The following FHIT variants were observed in gnomAD, a reference collection of about 807,000 sequenced individuals.
FHIT encodes fragile histidine triad diadenosine triphosphatase.
A neutral mutation model predicts 17.9 loss-of-function variants in FHIT; 19 were observed. The observed-to-expected ratio is 1.06, with a 90% CI of 0.74 to 1.56. FHIT has a LOEUF of 1.56. Among genes scored for constraint, FHIT ranks in the 40% most tolerant of loss-of-function variants. The probability of loss-of-function intolerance (pLI) is 0.00; values close to 1 mark genes in which losing one functional copy is unlikely to be tolerated. For synonymous variants in FHIT, 81 were observed against 69.7 expected, an observed-to-expected ratio of 1.16 and a Z score of -0.81; for missense variants, 248 against 189.2, an observed-to-expected ratio of 1.31 and a Z score of -1.82.
intron 2 of FHIT, among the ~76,000 whole-genome samples, chr3:61,151,210 G>A (rs2107048833): frequency 6.6e-6 from 1 of 152,278 alleles, no homozygotes; most frequent in South Asian, 2.1e-4. Context: ...TTAAGAACTA[G>A]AGACCAAATG....
At chr3:60,333,862 A>T (rs985048610) in intron 5 of FHIT, among the ~76,000 whole-genome samples, 1 of 152,198 alleles carries the variant, frequency 6.6e-6, no homozygotes, top group Non-Finnish European at 1.5e-5. Context: ...GGACAATGAG[A>T]TGTCAGATCC....
chr3:60,487,214 C>G (rs2033880991), intron 5 of FHIT, among the ~76,000 whole-genome samples: 1 of 152,136 alleles, frequency 6.6e-6, no homozygotes, highest in African/African-American at 2.4e-5. Context: ...TCTACACTCC[C>G]ATTGCTGTCT....
chr3:60,685,975 A>G (rs1553698336), intron 4 of FHIT, among the ~76,000 whole-genome samples: 1 of 152,186 alleles, frequency 6.6e-6, no homozygotes, highest in Non-Finnish European at 1.5e-5. Flanking sequence ...ATCCCAAAGA[A>G]CAAAGCATTT....
intron 2 of FHIT, among the ~76,000 whole-genome samples, chr3:61,059,987 T>C (rs557722897): frequency 6.6e-6 from 1 of 152,158 alleles, no homozygotes; most frequent in South Asian, 2.1e-4. Context: ...TTAGTGAGTA[T>C]GAGTGTGTGT....
intron 9 of FHIT, chr3:59,751,698 C>A: frequency 4.3e-6 from 1 of 230,024 alleles, no homozygotes; most frequent in Admixed American, 5.7e-5. Context: ...TCCTAGGAGC[C>A]GAACATAAAG....
chr3:60,170,208 G>A (rs560891063), intron 5 of FHIT, among the ~76,000 whole-genome samples: 1 of 152,270 alleles, frequency 6.6e-6, no homozygotes, highest in South Asian at 2.1e-4. Context: ...TAAGATGGAT[G>A]GAGGTAATCA....
At chr3:60,988,926 T>TTC (rs2029903770) in intron 3 of FHIT, among the ~76,000 whole-genome samples, 2 of 128,904 alleles carry the variant, frequency 1.6e-5, no homozygotes, top group African/African-American at 2.9e-5. Context: ...TTTTTTTTTT[T>TTC]CAAATGGCCA....
chr3:60,474,944 T>G (rs2033271440), intron 5 of FHIT, among the ~76,000 whole-genome samples: 1 of 152,124 alleles, frequency 6.6e-6, no homozygotes, highest in Admixed American at 6.6e-5. Flanking sequence ...ATTCCAATTT[T>G]TAAATAGTAC....
intron 4 of FHIT, among the ~76,000 whole-genome samples, chr3:60,599,068 T>C (rs868947681): frequency 6.6e-6 from 1 of 152,180 alleles, no homozygotes; most frequent in Non-Finnish European, 1.5e-5. Context: ...GCTGTGGGCA[T>C]ACTAGCAAAA....
intron 5 of FHIT, among the ~76,000 whole-genome samples, chr3:60,369,940 G>A (rs1324910431): frequency 1.3e-5 from 2 of 152,098 alleles, no homozygotes; most frequent in Non-Finnish European, 2.9e-5. Flanking sequence ...TTAAGCCAAA[G>A]AGAAAAACAG....
At chr3:60,125,701 T>TAC (rs1402455973) in intron 5 of FHIT, among the ~76,000 whole-genome samples, 1 of 151,036 alleles carries the variant, frequency 6.6e-6, no homozygotes, top group Non-Finnish European at 1.5e-5. Context: ...TATATATATG[T>TAC]ACACACACAC....
chr3:60,204,444 G>GTTTTTTTTTTTTT (rs56126245), intron 5 of FHIT, among the ~76,000 whole-genome samples: 3 of 114,972 alleles, frequency 2.6e-5, no homozygotes, highest in African/African-American at 3.2e-5. Context: ...TAATATTCTG[G>GTTTTTTTTTTTTT]TTTTTTTTTT....
chr3:60,405,421 G>A (rs190456095), intron 5 of FHIT, among the ~76,000 whole-genome samples: 1 of 152,270 alleles, frequency 6.6e-6, no homozygotes, highest in Admixed American at 6.5e-5. Flanking sequence ...CTGGTAGGGG[G>A]ACCACCCGCA....
At chr3:60,110,761 T>C (rs1211788356) in intron 5 of FHIT, among the ~76,000 whole-genome samples, 2 of 152,228 alleles carry the variant, frequency 1.3e-5, no homozygotes, top group Admixed American at 6.5e-5. Flanking sequence ...GGTTGAGACC[T>C]GGTCATCATT....
intron 3 of FHIT, among the ~76,000 whole-genome samples, chr3:61,003,518 A>G (rs2031239989): frequency 6.6e-6 from 1 of 152,222 alleles, no homozygotes; most frequent in Admixed American, 6.5e-5. Context: ...CCATTTAGCT[A>G]CCACATTGTG....
At chr3:59,965,857 C>T (rs1170836456) in intron 7 of FHIT, among the ~76,000 whole-genome samples, 2 of 152,140 alleles carry the variant, frequency 1.3e-5, no homozygotes, top group Non-Finnish European at 2.9e-5. Flanking sequence ...CTTCTAATTT[C>T]CTCCTCTTGG....
chr3:61,224,904 C>T (rs548516261), intron 1 of FHIT, among the ~76,000 whole-genome samples: 1 of 152,278 alleles, frequency 6.6e-6, no homozygotes, highest in African/African-American at 2.4e-5. Context: ...GTAATAGCCA[C>T]ATGTTTGAGG....
intron 5 of FHIT, among the ~76,000 whole-genome samples, chr3:60,045,445 G>A (rs946856668): frequency 6.6e-6 from 1 of 152,094 alleles, no homozygotes; most frequent in Non-Finnish European, 1.5e-5. Context: ...CAGATCTTAT[G>A]AGACTCACCC....
chr3:59,883,685 T>C (rs747023314), intron 8 of FHIT, among the ~76,000 whole-genome samples: 18 of 152,368 alleles, frequency 1.2e-4, no homozygotes, highest in Non-Finnish European at 2.1e-4. Context: ...AGTAGTGTGC[T>C]ACCGCACGTC....
Sources: allele counts gnomAD v4.1 joint callset (sites outside exome capture counted in the v4.1 genomes callset), GRCh38; gene constraint gnomAD v4.1.1; transcripts MANE v1.5; gene names NCBI Gene and HGNC (gene_info 2026-07-23, HGNC 2026-07-21).